Variants in ITPRID1 observed in about 807,000 individuals in gnomAD.
ITPRID1 encodes protein ITPRID1.
ITPRID1 carries 96 observed loss-of-function variants against 95.4 expected under a neutral mutation model. The ratio of observed to expected loss-of-function variants is 1.01; its 90% CI spans 0.85 to 1.19. The LOEUF is 1.19. Ranked by LOEUF, ITPRID1 falls within the 50% of genes most tolerant of loss-of-function variation. The pLI is 0.00. For missense variants in ITPRID1, 1,339 were observed against 1,252.9 expected, an observed-to-expected ratio of 1.07 and a Z score of -1.04; for synonymous variants, 510 against 453.6, an observed-to-expected ratio of 1.12 and a Z score of -1.58.
intron 12 of ITPRID1, among the ~76,000 whole-genome samples, chr7:31,647,352 G>T (rs902546237): frequency 1.3e-5 from 2 of 152,120 alleles, no homozygotes; most frequent in Non-Finnish European, 2.9e-5. Context: ...TATAAGCAGA[G>T]ATGGACATCT....
chr7:31,593,443 A>C (rs1035854190), intron 10 of ITPRID1, among the ~76,000 whole-genome samples: 1 of 152,252 alleles, frequency 6.6e-6, no homozygotes, highest in African/African-American at 2.4e-5. Flanking sequence ...ATATCTTATT[A>C]GATATGGTGA....
At chr7:31,581,571 C>T (rs951776982) in intron 9 of ITPRID1, among the ~76,000 whole-genome samples, 1 of 152,124 alleles carries the variant, frequency 6.6e-6, no homozygotes, top group Non-Finnish European at 1.5e-5. Context: ...TATTATTAAA[C>T]AACCCCAGTC....
chr7:31,620,573 C>T (rs545071866), intron 10 of ITPRID1, among the ~76,000 whole-genome samples: 56 of 151,314 alleles, frequency 3.7e-4, no homozygotes, highest in Non-Finnish European at 7.4e-4. Context: ...GGAAAACTAA[C>T]AAACAGAAAG....
At chr7:31,564,669 G>A (rs142798450) in intron 5 of ITPRID1, among the ~76,000 whole-genome samples, 26 of 152,150 alleles carry the variant, frequency 1.7e-4, no homozygotes, top group Non-Finnish European at 3.8e-4. Flanking sequence ...TAGTTTGTCT[G>A]TCCTGTGATG....
At chr7:31,535,404 C>A (rs1003842694) in intron 1 of ITPRID1, among the ~76,000 whole-genome samples, 1 of 151,746 alleles carries the variant, frequency 6.6e-6, no homozygotes, top group African/African-American at 2.4e-5. Flanking sequence ...GTATTTTTAT[C>A]TATCAATTAG....
chr7:31,602,863 G>C (rs1786454477), intron 10 of ITPRID1, among the ~76,000 whole-genome samples: 1 of 151,766 alleles, frequency 6.6e-6, no homozygotes, highest in African/African-American at 2.4e-5. Flanking sequence ...CACAAGCAGG[G>C]TACCCCCTGC....
In ITPRID1 at chr7:31,553,156, G is replaced by T. The variant is rs1208059966; in HGVS notation, c.132G>T (p.Glu44Asp). 1.9e-6 allele frequency: 3 copies of T among 1,588,370 alleles called. No individual in the cohort carries two copies. Among genetic ancestry groups the T allele is most frequent in the Non-Finnish European group, 2.6e-6 (3 of 1,166,278 alleles). Reference sequence around the variant, plus strand: ...AGTGGCTGCCCCCTGACCCTGAGGAGGAAAGCCAGAGTCTCACCATCCCCA... The same window carrying T: ...AGTGGCTGCCCCCTGACCCTGAGGATGAAAGCCAGAGTCTCACCATCCCCA... ...LDEWLPPDPE[E>D]ESQSLTIPML... is the part of the protein sequence containing the mutation. Residue 44 changes from glutamate (E) to aspartate (D), a missense_variant, in exon 3 of 15, where the codon GAG becomes GAT. Coordinates refer to ENST00000615280, the MANE Select transcript of ITPRID1 (RefSeq NM_001257967.3).
At chr7:31,586,524 T>A (rs1785616545) in intron 10 of ITPRID1, among the ~76,000 whole-genome samples, 1 of 151,102 alleles carries the variant, frequency 6.6e-6, no homozygotes, top group Non-Finnish European at 1.5e-5. Context: ...TTTTTAATGA[T>A]CGCCATTCTA....
intron 2 of ITPRID1, among the ~76,000 whole-genome samples, chr7:31,550,983 G>T (rs553355416): frequency 6.9e-6 from 1 of 143,928 alleles, no homozygotes; most frequent in South Asian, 2.3e-4. Context: ...TCAGCTACCT[G>T]ATAGCTTCTT....
intron 1 of ITPRID1, among the ~76,000 whole-genome samples, chr7:31,522,343 T>C (rs1344439906): frequency 1.3e-5 from 2 of 152,210 alleles, no homozygotes; most frequent in African/African-American, 4.8e-5. Context: ...TAGACTAAGA[T>C]TGCAGTGTGA....
At chr7:31,529,395 CAA>C in intron 1 of ITPRID1, 1 of 197,108 alleles carries the variant, frequency 5.1e-6, no homozygotes, top group Non-Finnish European at 1.0e-5. Context: ...GCCAACAGGT[CAA>C]AGAGCATTAA....
At chr7:31,567,520 G>A (rs17160267) in intron 5 of ITPRID1, among the ~76,000 whole-genome samples, 21,589 of 151,644 alleles carry the variant, frequency 0.14, 1,590 homozygotes, top group Middle Eastern at 0.2. Context: ...CACAGAGGCC[G>A]TATATATTCC....
intron 10 of ITPRID1, among the ~76,000 whole-genome samples, chr7:31,632,393 G>T (rs1789089270): frequency 6.6e-6 from 1 of 152,152 alleles, no homozygotes; most frequent in Non-Finnish European, 1.5e-5. Context: ...GTTGCAATGA[G>T]CCGAGATTGT....
At position 31,574,874 on chromosome 7, in the gene ITPRID1, T is replaced by C. The variant is rs1785125514; in HGVS notation, c.598+132T>C. 1.3e-5 allele frequency: 10 copies of C among 774,776 alleles called. No homozygotes were observed. The South Asian group carries it at 1.7e-4, about 13-fold the overall frequency. 48.0% of individuals were successfully genotyped at this position (774,776 alleles called of 1,614,324 possible). On this transcript the variant is annotated intron_variant, in intron 8 of 14. Coordinates refer to ENST00000615280, the MANE Select transcript of ITPRID1 (RefSeq NM_001257967.3). ...TTACAGTGACTTCACACACAAAAGA[T>C]GGATTTCTTGGTCATCCTATATGTC...
chr7:31,550,515 A>G (rs1784250404), intron 2 of ITPRID1, among the ~76,000 whole-genome samples: 1 of 152,156 alleles, frequency 6.6e-6, no homozygotes, highest in African/African-American at 2.4e-5. Context: ...CCAGGATACC[A>G]CCTGATCTGT....
chr7:31,612,488 T>A (rs1351922170), intron 10 of ITPRID1, among the ~76,000 whole-genome samples: 1 of 152,170 alleles, frequency 6.6e-6, no homozygotes, highest in Non-Finnish European at 1.5e-5. Flanking sequence ...TTAGATATAC[T>A]CCTAGGTTTT....
intron 1 of ITPRID1, among the ~76,000 whole-genome samples, chr7:31,543,572 T>G (rs1224332382): frequency 6.6e-6 from 1 of 152,116 alleles, no homozygotes; most frequent in Non-Finnish European, 1.5e-5. Flanking sequence ...TTTGTGTATC[T>G]TCTTTGGTGA....
At chr7:31,515,382 C>A (rs1783012639) in intron 1 of ITPRID1, among the ~76,000 whole-genome samples, 1 of 151,980 alleles carries the variant, frequency 6.6e-6, no homozygotes, top group South Asian at 2.1e-4. Flanking sequence ...TGGAGACCAG[C>A]CTGACCAACA....
intron 3 of ITPRID1, among the ~76,000 whole-genome samples, 198 bp downstream of exon 3, chr7:31,553,385 C>A (rs886342672): frequency 3.3e-5 from 5 of 152,172 alleles, no homozygotes; most frequent in African/African-American, 9.6e-5. Context: ...CACAGACCTC[C>A]TTGAAAGAAG....
Sources: allele counts gnomAD v4.1 joint callset (sites outside exome capture counted in the v4.1 genomes callset), GRCh38; gene constraint gnomAD v4.1.1; transcripts MANE v1.5; gene names NCBI Gene and HGNC (gene_info 2026-07-23, HGNC 2026-07-21).